SGMS2: variants seen among roughly 807,000 people sequenced by gnomAD.
SGMS2 encodes phosphatidylcholine:ceramide cholinephosphotransferase 2.
SGMS2 carries 21 observed loss-of-function variants against 43.8 expected under a neutral mutation model. The observed-to-expected ratio is 0.48, with a 90% CI of 0.34 to 0.69. The LOEUF (loss-of-function observed/expected upper bound fraction) is 0.69. SGMS2 is among the 30% of genes least tolerant of loss of function. The pLI is 0.01. For missense variants in SGMS2, 384 were observed against 443.2 expected (o/e 0.87, Z 1.20); for synonymous variants, 167 against 160.6 (o/e 1.04, Z -0.30).
At chr4:107,869,903 T>A (rs1728430511) in intron 2 of SGMS2, among the ~76,000 whole-genome samples, 1 of 152,212 alleles carries the variant, frequency 6.6e-6, no homozygotes. Flanking sequence ...GGGAGCCATT[T>A]AAGGTCTTTA....
rs146463811 is a variant in SGMS2, at chr4:107,903,238, T to C, written c.579T>C (p.Asn193=). The part of the protein sequence containing the change: ...GMHFQCAPKL[N]GDSQAKVQRI... ...AATCTTCTTGTGTCATTCAGCTCAA[T>C]GGAGACTCTCAGGCAAAAGTTCAAC... The change falls in exon 5 of 7, where the codon AAT becomes AAC. Residue 193 remains asparagine, a synonymous_variant. Coordinates refer to ENST00000690982, the MANE Select transcript of SGMS2 (RefSeq NM_001375905.1). 6 of 1,613,998 alleles carry C rather than the reference T, an allele frequency of 3.7e-6. No individual in the cohort carries two copies. Among genetic ancestry groups the C allele is most frequent in the Non-Finnish European group, 2.5e-6 (3 of 1,179,876 alleles).
intron 1 of SGMS2, among the ~76,000 whole-genome samples, chr4:107,847,084 G>A (rs1304222581): frequency 4.0e-5 from 6 of 151,700 alleles, no homozygotes. Context: ...TCTGATGGTA[G>A]TTTCTTTTGC....
chr4:107,875,244 A>C (rs1459043130), intron 2 of SGMS2, among the ~76,000 whole-genome samples: 1 of 152,216 alleles, frequency 6.6e-6, no homozygotes, highest in African/African-American at 2.4e-5. Context: ...TAGCAAAGAC[A>C]CAGAATAACC....
At chr4:107,869,182 G>A (rs535835133) in intron 2 of SGMS2, among the ~76,000 whole-genome samples, 17 of 152,228 alleles carry the variant, frequency 1.1e-4, no homozygotes, top group African/African-American at 3.6e-4. Flanking sequence ...TAACCCAACT[G>A]GGTAGTGAGT....
intron 2 of SGMS2, among the ~76,000 whole-genome samples, chr4:107,873,148 A>G (rs1728666829): frequency 6.6e-6 from 1 of 152,300 alleles, no homozygotes; most frequent in Admixed American, 6.5e-5. Context: ...TTCCTTATCC[A>G]TGAATTAGAA....
rs114331894 is a variant in SGMS2, at chr4:107,884,644, C to T, written c.-244-10666C>T. On this transcript the variant is annotated intron_variant, in intron 2 of 6. Transcript: ENST00000690982. ...CTGAGATAAATGTATAACTCATTGC[C>T]GCCTCTGGAGAGGCTAATCAGAAAC... Among the ~76,000 whole-genome samples, 476 of 152,250 alleles carry T rather than the reference C, an allele frequency of 3.1e-3. 4 individuals carry two copies. Among genetic ancestry groups the T allele is most frequent in the African/African-American group, 0.01 (434 of 41,542 alleles).
intron 2 of SGMS2, among the ~76,000 whole-genome samples, chr4:107,892,523 G>C (rs577395031): frequency 7.8e-4 from 119 of 152,146 alleles, no homozygotes; most frequent in Non-Finnish European, 1.6e-4. Flanking sequence ...CCAAGGTTGA[G>C]GTTGCACACC....
At position 107,903,284 on chromosome 4, in the gene SGMS2, G is replaced by A; in HGVS notation, c.625G>A (p.Gly209Ser). 2.5e-6 allele frequency: 4 copies of A among 1,614,006 alleles called. No homozygotes were observed. The highest frequency in any genetic ancestry group is 3.4e-6 in the Non-Finnish European group (4 of 1,179,918). ...TCAACGGATTCTACGATTGATTTCT[G>A]GTGGTGGATTGTCCATAACTGGATC... ...KVQRILRLIS[G>S]GGLSITGSHI... Residue 209 changes from glycine (G) to serine (S), a missense_variant, in exon 5 of 7, where the codon GGT becomes AGT. Transcript: ENST00000690982.
chr4:107,889,992 G>A (rs1445962336), intron 2 of SGMS2, among the ~76,000 whole-genome samples: 1 of 152,150 alleles, frequency 6.6e-6, no homozygotes, highest in African/African-American at 2.4e-5. Flanking sequence ...GAATTTTTAT[G>A]AGGCTGGACC....
At chr4:107,826,653 G>GTT (rs113271634) in intron 1 of SGMS2, among the ~76,000 whole-genome samples, 7,974 of 146,622 alleles carry the variant, frequency 0.054, 287 homozygotes, top group Non-Finnish European at 0.072. Context: ...TGGTTGAAGT[G>GTT]TTTTTTTTTT....
At chr4:107,868,244 G>T (rs1307747915) in intron 2 of SGMS2, among the ~76,000 whole-genome samples, 60 of 152,172 alleles carry the variant, frequency 3.9e-4, no homozygotes, top group Admixed American at 3.7e-3. Flanking sequence ...TTTATCGTAG[G>T]TAAGGAAAGC....
At chr4:107,859,409 A>G (rs1260294328) in intron 2 of SGMS2, among the ~76,000 whole-genome samples, 2 of 152,200 alleles carry the variant, frequency 1.3e-5, no homozygotes, top group Admixed American at 6.5e-5. Context: ...ACAGTATTCT[A>G]TAACATTATT....
At chr4:107,875,283 A>C (rs2126066781) in intron 2 of SGMS2, among the ~76,000 whole-genome samples, 1 of 152,340 alleles carries the variant, frequency 6.6e-6, no homozygotes, top group East Asian at 1.9e-4. Context: ...AGACTGGATA[A>C]AGAAGATATG....
At chr4:107,858,013 C>CG (rs372401294) in intron 1 of SGMS2, among the ~76,000 whole-genome samples, 48 of 152,180 alleles carry the variant, frequency 3.2e-4, no homozygotes, top group African/African-American at 1.1e-3. Context: ...CTGCCCCACC[C>CG]CCCCCATCCC....
chr4:107,831,434 T>C (rs112511250), intron 1 of SGMS2, among the ~76,000 whole-genome samples: 1,713 of 152,302 alleles, frequency 0.011, 30 homozygotes, highest in African/African-American at 0.039. Flanking sequence ...CCTCCATTTC[T>C]TGGCTGTATA....
chr4:107,837,564 C>A (rs1726260527), intron 1 of SGMS2, among the ~76,000 whole-genome samples: 1 of 152,058 alleles, frequency 6.6e-6, no homozygotes, highest in Admixed American at 6.6e-5. Context: ...GGCTGGCATG[C>A]TTTGTAAGGA....
At chr4:107,858,248 T>C (rs1471662349) in intron 1 of SGMS2, among the ~76,000 whole-genome samples, 1 of 152,140 alleles carries the variant, frequency 6.6e-6, no homozygotes, top group Non-Finnish European at 1.5e-5. Flanking sequence ...TGGCAGGTGT[T>C]AAATATTAGT....
intron 2 of SGMS2, among the ~76,000 whole-genome samples, chr4:107,880,008 G>A (rs1164261603): frequency 4.6e-5 from 7 of 151,978 alleles, no homozygotes; most frequent in East Asian, 1.9e-4. Flanking sequence ...CTTTCTCTTC[G>A]TATAAAAACT....
At chr4:107,850,490 G>A (rs7696051) in intron 1 of SGMS2, among the ~76,000 whole-genome samples, 6,105 of 152,128 alleles carry the variant, frequency 0.04, 389 homozygotes, top group African/African-American at 0.14. Flanking sequence ...TGGAGGTAAG[G>A]GAAAACCTCA....
Sources: allele counts gnomAD v4.1 joint callset (sites outside exome capture counted in the v4.1 genomes callset), GRCh38; gene constraint gnomAD v4.1.1; transcripts MANE v1.5; gene names NCBI Gene and HGNC (gene_info 2026-07-23, HGNC 2026-07-21).